The following NR3C1 variants were observed in gnomAD, a reference collection of about 807,000 sequenced individuals.
The protein encoded by NR3C1 is nuclear receptor subfamily 3 group C member 1.
In NR3C1, 14 loss-of-function variants were observed where a neutral mutation model predicts 74.0. The observed-to-expected ratio is 0.19, with a 90% CI of 0.12 to 0.30. The LOEUF (loss-of-function observed/expected upper bound fraction) is 0.30. Ranked by LOEUF, NR3C1 falls within the 10% of genes least tolerant of loss-of-function variation. The pLI, the probability that NR3C1 is intolerant of heterozygous loss-of-function variation, is 1.00. For missense variants in NR3C1, 695 were observed against 909.8 expected, an observed-to-expected ratio of 0.76 and a Z score of 3.04; for synonymous variants, 308 against 332.5, an observed-to-expected ratio of 0.93 and a Z score of 0.80.
At chr5:143,421,884 C>T (rs1474669600) in intron 1 of NR3C1, among the ~76,000 whole-genome samples, 3 of 152,100 alleles carry the variant, frequency 2.0e-5, no homozygotes, top group Non-Finnish European at 4.4e-5. Flanking sequence ...TTTGTGGACA[C>T]ACTGAAGTAG....
intron 1 of NR3C1, among the ~76,000 whole-genome samples, chr5:143,402,120 C>A (rs1840397778): frequency 6.6e-6 from 1 of 152,116 alleles, no homozygotes; most frequent in Non-Finnish European, 1.5e-5. Context: ...CACTACAAAT[C>A]TTGAGGGTAA....
chr5:143,420,080 G>T (rs934020434), intron 1 of NR3C1, among the ~76,000 whole-genome samples: 2 of 152,090 alleles, frequency 1.3e-5, no homozygotes, highest in East Asian at 1.9e-4. Flanking sequence ...CTGGCTCACC[G>T]GCGGTCAGAG....
intron 7 of NR3C1, among the ~76,000 whole-genome samples, chr5:143,285,078 GTACAATTTA>G (rs1485151731): frequency 3.3e-4 from 45 of 135,930 alleles, no homozygotes; most frequent in African/African-American, 1.2e-3. Context: ...CCAGAAATCT[GTACAATTTA>G]TGGGTCAGAC....
At chr5:143,434,776 G>A (rs1752034206) in exon 1 of NR3C1, 1 of 985,270 alleles carries the variant, frequency 1.0e-6, no homozygotes, top group African/African-American at 1.7e-5. Flanking sequence ...CCCTTTCCTG[G>A]GCTAACTGCT....
intron 2 of NR3C1, among the ~76,000 whole-genome samples, chr5:143,340,476 A>ATTTTTTTT (rs3074500): frequency 3.4e-5 from 3 of 89,144 alleles, no homozygotes; most frequent in African/African-American, 4.5e-5. Context: ...TTTAAAGATG[A>ATTTTTTTT]TTTTTTTTTT....
At chr5:143,408,169 A>G (rs1841177600), upstream of NR3C1, among the ~76,000 whole-genome samples, 1 of 152,190 alleles carries the variant, frequency 6.6e-6, no homozygotes, top group Admixed American at 6.5e-5. Flanking sequence ...TATAAACTAT[A>G]CCTGTAATGC....
intron 1 of NR3C1, among the ~76,000 whole-genome samples, chr5:143,415,613 T>C (rs1251132492): frequency 6.6e-6 from 1 of 152,202 alleles, no homozygotes; most frequent in Non-Finnish European, 1.5e-5. Context: ...CTTTTCAATA[T>C]TTTCAGGTAA....
intron 7 of NR3C1, among the ~76,000 whole-genome samples, chr5:143,292,548 C>T (rs1016248800): frequency 6.6e-6 from 1 of 152,154 alleles, no homozygotes; most frequent in Non-Finnish European, 1.5e-5. Context: ...CTTCCCTCTA[C>T]TCCTACCAGA....
intron 1 of NR3C1, among the ~76,000 whole-genome samples, chr5:143,416,651 A>G (rs13166717): frequency 0.014 from 2,119 of 152,242 alleles, 51 homozygotes; most frequent in African/African-American, 0.049. Context: ...AAGGGTCCTG[A>G]CATCAGAAGT....
intron 1 of NR3C1, chr5:143,401,449 C>T: frequency 6.3e-6 from 1 of 157,526 alleles, no homozygotes; most frequent in East Asian, 1.8e-4. Context: ...CAATGCTGAT[C>T]TGCTTATCTT....
At chr5:143,432,913 G>A (rs1024063339) in intron 1 of NR3C1, among the ~76,000 whole-genome samples, 2 of 151,998 alleles carry the variant, frequency 1.3e-5, no homozygotes, top group African/African-American at 2.4e-5. Flanking sequence ...ACGTTCATTC[G>A]TTCCTTTTCC....
intron 2 of NR3C1, among the ~76,000 whole-genome samples, chr5:143,388,562 A>G (rs1837676926): frequency 6.6e-6 from 1 of 152,224 alleles, no homozygotes; most frequent in African/African-American, 2.4e-5. Flanking sequence ...AGCAGATAAG[A>G]CACAAATAGA....
At chr5:143,312,686 CG>C (rs945775489) in intron 3 of NR3C1, among the ~76,000 whole-genome samples, 4 of 152,278 alleles carry the variant, frequency 2.6e-5, no homozygotes, top group African/African-American at 9.6e-5. Flanking sequence ...ATACTGAATG[CG>C]TATCACTTTC....
At chr5:143,294,968 A>G (rs1318099415) in intron 7 of NR3C1, 3 of 985,316 alleles carry the variant, frequency 3.0e-6, no homozygotes, top group Non-Finnish European at 3.6e-6. Flanking sequence ...TTTTCTAGAT[A>G]ATGAATCTCT....
rs556346283 is a variant in NR3C1, at chr5:143,358,989, C to T, written c.1184+40667G>A. On this transcript the variant is annotated intron_variant, in intron 2 of 8. Coordinates refer to ENST00000394464, the MANE Select transcript of NR3C1 (RefSeq NM_000176.3). ...TTTTACTGCTAAAGCTTCCTTTGTA[C>T]ATTCAAATTTATAATATTAATCTGC... 1.4e-3 allele frequency among the ~76,000 whole-genome samples: 211 copies of T among 152,126 alleles called. 4 individuals are homozygous for T. The highest frequency in any genetic ancestry group is 4.0e-4 in the Non-Finnish European group (27 of 67,998).
chr5:143,348,986 A>T (rs1001568102), intron 2 of NR3C1, among the ~76,000 whole-genome samples: 3 of 152,104 alleles, frequency 2.0e-5, no homozygotes, highest in African/African-American at 7.2e-5. Context: ...ATTTTACACA[A>T]ATTCTTAATT....
intron 6 of NR3C1, among the ~76,000 whole-genome samples, chr5:143,296,988 A>T (rs1420115113): frequency 6.6e-6 from 1 of 151,588 alleles, no homozygotes; most frequent in African/African-American, 2.4e-5. Flanking sequence ...TGAGGCAGAG[A>T]ATCACTTGAA....
intron 2 of NR3C1, among the ~76,000 whole-genome samples, chr5:143,316,109 G>C (rs1372105208): frequency 6.6e-6 from 1 of 152,222 alleles, no homozygotes; most frequent in Non-Finnish European, 1.5e-5. Flanking sequence ...AAATGACTCT[G>C]CTGTAGGTCC....
chr5:143,328,946 C>T (rs1275511901), intron 2 of NR3C1, among the ~76,000 whole-genome samples: 2 of 152,192 alleles, frequency 1.3e-5, no homozygotes, highest in African/African-American at 4.8e-5. Context: ...TTCTTCTGAG[C>T]CCTCCAAACT....
Sources: gnomAD v4.1 joint callset for allele counts (sites outside exome capture counted in the v4.1 genomes callset) on GRCh38, gnomAD v4.1.1 for gene constraint, MANE v1.5 for transcripts, NCBI Gene and HGNC (gene_info 2026-07-23, HGNC 2026-07-21) for gene names.